The following SH2D2A variants were observed in gnomAD, a reference collection of about 807,000 sequenced individuals.
The protein encoded by SH2D2A is SH2 domain containing 2A.
SH2D2A carries 33 observed loss-of-function variants against 43.6 expected under a neutral mutation model. The ratio of observed to expected loss-of-function variants is 0.76; its 90% confidence interval spans 0.57 to 1.01. The LOEUF is 1.01. Ranked by LOEUF, SH2D2A falls within the 50% of genes least tolerant of loss-of-function variation. The pLI, the probability that SH2D2A is intolerant of heterozygous loss-of-function variation, is 0.00. For missense variants in SH2D2A, 491 were observed against 503.1 expected (o/e 0.98, Z 0.23); for synonymous variants, 212 against 206.1 (o/e 1.03, Z -0.25).
chr1:156,806,748 GA>G (rs1652994117), intron 8 of SH2D2A, among the ~76,000 whole-genome samples, 175 bp from the exon 9 acceptor site: 1 of 152,208 alleles, frequency 6.6e-6, no homozygotes. Context: ...ACTAAACAGG[GA>G]ATCAGGAAGC....
intron 7 of SH2D2A, among the ~76,000 whole-genome samples, chr1:156,808,388 G>C (rs958392227): frequency 6.6e-6 from 1 of 152,146 alleles, no homozygotes; most frequent in Non-Finnish European, 1.5e-5. Flanking sequence ...AGGGATGCTG[G>C]GGGGAACTGA....
rs1354389695 is a variant in SH2D2A at position 156,814,233 on chromosome 1, T to C, written c.370A>G (p.Ser124Gly). The C allele has an allele frequency of 6.2e-7, 1 of 1,613,812 alleles. No homozygotes were observed. Among genetic ancestry groups the C allele is most frequent in the South Asian group, 1.1e-5 (1 of 91,078 alleles). Residue 124 changes from serine (S) to glycine (G), a missense_variant, in exon 4 of 9, where the codon AGC becomes GGC. Physicochemically the swap from Ser to Gly is moderately conservative, Grantham distance 56. Transcript: ENST00000368199. ...TAAGTCAGCACGAAGGTCACCGCGC[T>C]CTCGCTGAACCGCACCAAGTAGCAC... ...QGCYLVRFSE[S>G]AVTFVLTYRS...
Position 156,809,649 on chromosome 1 carries a change from G to A in SH2D2A, c.714+12C>T, listed in dbSNP as rs1653258061. On this transcript the variant is annotated intron_variant, in intron 6 of 8. Coordinates refer to ENST00000368199, the MANE Select transcript of SH2D2A (RefSeq NM_003975.4). The surrounding 1 kb of genome is among the most constrained non-coding windows in gnomAD (Gnocchi z 4.8). ...CTGTCCTCCCACTCCCTCAGCCCCTGCAGCCCAATACCTCCTTCTCCCCGG... is the reference window on the plus strand; with the variant it reads ...CTGTCCTCCCACTCCCTCAGCCCCTACAGCCCAATACCTCCTTCTCCCCGG... 1 of 1,603,518 alleles carries A rather than the reference G, an allele frequency of 6.2e-7. No homozygotes were observed. Among genetic ancestry groups the A allele is most frequent in the Non-Finnish European group, 8.5e-7 (1 of 1,176,174 alleles).
chr1:156,814,404 C>T (rs1653688155), intron 3 of SH2D2A, 110 bp from the exon 4 acceptor site: 6 of 1,508,936 alleles, frequency 4.0e-6, no homozygotes, highest in Admixed American at 2.2e-5. Flanking sequence ...CATGCTGGAG[C>T]GGCTAGAGAA....
intron 1 of SH2D2A, 92 bp from the exon 2 acceptor site, chr1:156,816,186 G>C (rs1653914042): frequency 1.3e-6 from 2 of 1,496,784 alleles, no homozygotes; most frequent in Admixed American, 2.4e-5. Context: ...AGGGGATCTG[G>C]AGGGCTGGGA....
rs200213312 is a variant in SH2D2A at position 156,809,724 on chromosome 1, G to A, written c.651C>T (p.Ser217=). ...GGGCTTGCCCCTGTTTGATGATTGG[G>A]CTGTACTGGGGGTTTGGGTCCTGGC... ...SKSQDPNPQY[S]PIIKQGQAPV... Residue 217 remains serine (S), a synonymous_variant, in exon 6 of 9, where the codon AGC becomes AGT. Coordinates refer to ENST00000368199, the MANE Select transcript of SH2D2A (RefSeq NM_003975.4). The surrounding 1 kb of genome is among the most constrained non-coding windows in gnomAD (Gnocchi z 4.8). 1.2e-6 allele frequency: 2 copies of A among 1,614,034 alleles called. No homozygotes were observed. The highest frequency in any genetic ancestry group is 2.7e-5 in the African/African-American group (2 of 75,030).
At position 156,806,314 on chromosome 1, in the gene SH2D2A, G is replaced by T. The variant is rs188017295; in HGVS notation, c.*263C>A. The T allele has an allele frequency of 6.6e-6, 1 of 152,380 alleles. No individual in the cohort carries two copies. Among genetic ancestry groups the T allele is most frequent in the African/African-American group, 2.4e-5 (1 of 41,554 alleles). The allele number at this position is 152,380 out of a possible 1,614,324, so 9.4% of individuals were successfully genotyped here. On this transcript the variant is annotated 3_prime_UTR_variant, in exon 9 of 9. Coordinates refer to ENST00000368199, the MANE Select transcript of SH2D2A (RefSeq NM_003975.4). ...AATCAACAAACAAGTTCTAACATCT[G>T]TTCTCACCAAACCATTCCTCAGACA...
At chr1:156,811,848 A>G (rs918801977) in intron 5 of SH2D2A, among the ~76,000 whole-genome samples, 10 of 151,542 alleles carry the variant, frequency 6.6e-5, no homozygotes, top group Admixed American at 4.6e-4. Context: ...TTTCCTTCCC[A>G]CCTACACTGA....
intron 5 of SH2D2A, among the ~76,000 whole-genome samples, chr1:156,813,138 C>T (rs1653541990): frequency 6.6e-6 from 1 of 152,092 alleles, no homozygotes; most frequent in Non-Finnish European, 1.5e-5. Context: ...AGTTGGTAGG[C>T]CCTAAGTACT....
intron 5 of SH2D2A, among the ~76,000 whole-genome samples, chr1:156,812,023 ACTC>A (rs1228850620): frequency 6.6e-6 from 1 of 151,912 alleles, no homozygotes; most frequent in African/African-American, 2.4e-5. Flanking sequence ...AGAAAACAGA[ACTC>A]CTGATCACCT....
intron 3 of SH2D2A, 26 bp from the exon 4 acceptor site, chr1:156,814,320 G>T: frequency 6.2e-7 from 1 of 1,606,432 alleles, no homozygotes; most frequent in South Asian, 1.1e-5. Flanking sequence ...AGAGGGGGCC[G>T]AACCCTGCTC....
chr1:156,814,150 C>T lies in SH2D2A; in HGVS notation c.398+55G>A, dbSNP rs1347913081. On this transcript the variant is annotated intron_variant, in intron 4 of 8. Coordinates refer to ENST00000368199, the MANE Select transcript of SH2D2A (RefSeq NM_003975.4). ...GCTCCTCACGGGATCAGACCCAAGC[C>T]CCGCCCCTCCCGAGCCCCGCCTTGT... 3.7e-6 allele frequency: 6 copies of T among 1,605,602 alleles called. No individual in the cohort carries two copies. In the East Asian group the frequency reaches 1.3e-4, roughly 36 times the overall value.
At chr1:156,811,328 A>G (rs1653402581) in intron 5 of SH2D2A, among the ~76,000 whole-genome samples, 1 of 151,322 alleles carries the variant, frequency 6.6e-6, no homozygotes. Context: ...CTTCCAATCC[A>G]CTCTCCAGTC....
chr1:156,815,957 G>A, intron 2 of SH2D2A, 49 bp downstream of exon 2: 1 of 1,559,904 alleles, frequency 6.4e-7, no homozygotes, highest in Non-Finnish European at 8.7e-7. Flanking sequence ...TGGGAGGGTG[G>A]GAGAGATGAG....
At chr1:156,816,254 G>A (rs564289331) in intron 1 of SH2D2A, 160 bp from the exon 2 acceptor site, 2 of 795,480 alleles carry the variant, frequency 2.5e-6, no homozygotes, top group African/African-American at 3.7e-5. Flanking sequence ...CAGGCATGAG[G>A]TTAAGTAGCC....
chr1:156,807,169 A>G lies in SH2D2A; in HGVS notation c.*3+6T>C. On this transcript the variant is annotated splice_donor_region_variant and intron_variant, in intron 8 of 8. Transcript: ENST00000368199. This position sits in a 1 kb window ranked among gnomAD's most constrained non-coding sequence, Gnocchi z 5.1. ...TCCAAGTTATCCTCACCAAGCTCAG[A>G]CTTACCGCCTACTGAGGAGGCCCAA... 6.2e-7 allele frequency: 1 copy of G among 1,611,910 alleles called. No individual in the cohort carries two copies. Among genetic ancestry groups the G allele is most frequent in the Non-Finnish European group, 8.5e-7 (1 of 1,179,630 alleles).
intron 5 of SH2D2A, among the ~76,000 whole-genome samples, chr1:156,813,422 A>T (rs1653561092): frequency 6.6e-6 from 1 of 152,126 alleles, no homozygotes; most frequent in South Asian, 2.1e-4. Context: ...TGGGGCCTAG[A>T]GGGGGGAAGC....
At chr1:156,815,596 G>A (rs1282763589) in intron 2 of SH2D2A, 1 of 636,580 alleles carries the variant, frequency 1.6e-6, no homozygotes, top group East Asian at 2.7e-5. Flanking sequence ...CAGAATGAGG[G>A]AGGGCTTACT....
chr1:156,812,576 G>A (rs7544967), intron 5 of SH2D2A, among the ~76,000 whole-genome samples: 10,595 of 152,216 alleles, frequency 0.07, 485 homozygotes, highest in Non-Finnish European at 0.11. Flanking sequence ...CCGCTTACCC[G>A]AGTGGCCTTC....
Sources: gnomAD v4.1 joint callset for allele counts (sites outside exome capture counted in the v4.1 genomes callset) on GRCh38, gnomAD v4.1.1 for gene constraint, Gnocchi (gnomAD v3.1) non-coding constraint, MANE v1.5 for transcripts, NCBI Gene and HGNC (gene_info 2026-07-23, HGNC 2026-07-21) for gene names.